PALM2AKAP2: variants seen among roughly 807,000 people sequenced by gnomAD.
PALM2AKAP2 encodes PALM2-AKAP2 fusion protein.
PALM2AKAP2 carries 37 observed loss-of-function variants against 71.5 expected under a neutral mutation model. The observed-to-expected ratio is 0.52, with a 90% CI of 0.40 to 0.68. PALM2AKAP2 has a LOEUF of 0.68. PALM2AKAP2 is among the 30% of genes least tolerant of loss of function. The pLI is 0.00. For missense variants in PALM2AKAP2, 1,224 were observed against 1,191.8 expected, an observed-to-expected ratio of 1.03 and a Z score of -0.40; for synonymous variants, 468 against 478.8, an observed-to-expected ratio of 0.98 and a Z score of 0.29.
rs532221051 is a variant in PALM2AKAP2 at position 110,049,567 on chromosome 9, A to G, written c.156+712A>G. 9.9e-5 allele frequency among the ~76,000 whole-genome samples: 15 copies of G among 151,594 alleles called. No individual in the cohort carries two copies. In the South Asian group the frequency reaches 3.1e-3, roughly 32 times the overall value. ...CTCAGCAGTTAGAATGTGGTATCTT[A>G]TCCGAGATAAAGCCGGAGTTTGCGT... On this transcript the variant is annotated intron_variant, in intron 1 of 3. Coordinates refer to ENST00000374525, the Ensembl canonical transcript of PALM2AKAP2.
intron 1 of PALM2AKAP2, among the ~76,000 whole-genome samples, chr9:109,681,691 T>C (rs1587865572): frequency 6.6e-6 from 1 of 152,338 alleles, no homozygotes; most frequent in East Asian, 1.9e-4. Flanking sequence ...AAATTTGAAC[T>C]GCAGAGCGAA....
At chr9:109,799,027 C>A (rs1215758342) in intron 1 of PALM2AKAP2, among the ~76,000 whole-genome samples, 1 of 152,174 alleles carries the variant, frequency 6.6e-6, no homozygotes, top group Non-Finnish European at 1.5e-5. Context: ...CTCACGGATC[C>A]CCTTGCTGTG....
intron 1 of PALM2AKAP2, among the ~76,000 whole-genome samples, chr9:110,135,152 C>CA (rs1198538795): frequency 0.023 from 632 of 26,996 alleles, 70 homozygotes; most frequent in Non-Finnish European, 0.029. Flanking sequence ...TCTGTCTCTA[C>CA]AAAAAAAAAA....
chr9:109,886,179 T>C (rs1267114100), intron 3 of PALM2AKAP2, among the ~76,000 whole-genome samples: 2 of 152,208 alleles, frequency 1.3e-5, no homozygotes, highest in African/African-American at 2.4e-5. Context: ...GAGTGACGTA[T>C]TGAGAAAGCC....
chr9:109,783,177 G>A (rs914466805), intron 1 of PALM2AKAP2, among the ~76,000 whole-genome samples: 3 of 152,142 alleles, frequency 2.0e-5, no homozygotes, highest in Non-Finnish European at 2.9e-5. Context: ...CTGGTTGTAA[G>A]GTTTAGTTAG....
intron 1 of PALM2AKAP2, among the ~76,000 whole-genome samples, chr9:109,863,197 C>T (rs1205753876): frequency 6.6e-6 from 1 of 152,062 alleles, no homozygotes; most frequent in Non-Finnish European, 1.5e-5. Flanking sequence ...CTGTAATGTG[C>T]TAAAGATGCT....
chr9:110,124,805 A>AT (rs2119024146), intron 1 of PALM2AKAP2, among the ~76,000 whole-genome samples: 1 of 152,314 alleles, frequency 6.6e-6, no homozygotes, highest in South Asian at 2.1e-4. Context: ...GGCATGGACT[A>AT]TAATGTAGCC....
At chr9:110,097,851 T>A (rs1834891929) in intron 1 of PALM2AKAP2, among the ~76,000 whole-genome samples, 1 of 139,672 alleles carries the variant, frequency 7.2e-6, no homozygotes, top group African/African-American at 3.1e-5. Context: ...ATCATGCCAC[T>A]GCACTCCAGC....
intron 2 of PALM2AKAP2, chr9:110,148,463 AAAG>A (rs1232322494): frequency 2.3e-4 from 35 of 152,332 alleles, no homozygotes; most frequent in African/African-American, 7.7e-4. Context: ...GGAGGAGATG[AAAG>A]AAGAAGGGAC....
intron 6 of PALM2AKAP2, among the ~76,000 whole-genome samples, chr9:109,949,842 C>T (rs1053429009): frequency 3.9e-5 from 6 of 152,140 alleles, no homozygotes; most frequent in African/African-American, 1.2e-4. Flanking sequence ...CTATCAAAGT[C>T]CAAATCTTTC....
intron 1 of PALM2AKAP2, chr9:109,847,527 G>A (rs947984812): frequency 2.0e-5 from 3 of 152,246 alleles, no homozygotes; most frequent in Admixed American, 6.6e-5. Flanking sequence ...AGATCACAAT[G>A]TCAGGAGATC....
intron 6 of PALM2AKAP2, among the ~76,000 whole-genome samples, chr9:110,011,824 C>G (rs999667933): frequency 6.6e-6 from 1 of 152,168 alleles, no homozygotes; most frequent in East Asian, 1.9e-4. Context: ...CAGCTGCTCT[C>G]TTGTTTCCAT....
chr9:109,985,537 G>A (rs555513682), intron 6 of PALM2AKAP2, among the ~76,000 whole-genome samples: 24 of 149,170 alleles, frequency 1.6e-4, no homozygotes, highest in East Asian at 6.2e-4. Context: ...GGAGAATGGC[G>A]TGAACCTGGG....
At chr9:109,907,645 A>G (rs1830478797) in intron 3 of PALM2AKAP2, among the ~76,000 whole-genome samples, 1 of 152,194 alleles carries the variant, frequency 6.6e-6, no homozygotes, top group Admixed American at 6.5e-5. Context: ...TCAGCCCGGC[A>G]CAACCCATGT....
At chr9:109,916,303 T>G (rs1012112787) in intron 3 of PALM2AKAP2, among the ~76,000 whole-genome samples, 4 of 152,236 alleles carry the variant, frequency 2.6e-5, no homozygotes, top group Admixed American at 6.5e-5. Flanking sequence ...GCAGCCAGCA[T>G]GCTCTGTCTT....
intron 3 of PALM2AKAP2, among the ~76,000 whole-genome samples, chr9:109,893,490 C>G (rs10980111): frequency 6.6e-6 from 1 of 152,116 alleles, no homozygotes; most frequent in Non-Finnish European, 1.5e-5. Flanking sequence ...GTCGCCCAGG[C>G]TGAAATGCAT....
intron 1 of PALM2AKAP2, among the ~76,000 whole-genome samples, chr9:109,663,519 A>G (rs1827433281): frequency 6.6e-6 from 1 of 152,124 alleles, no homozygotes; most frequent in East Asian, 1.9e-4. Context: ...CTTAATCCTG[A>G]GTTCTAATTT....
rs185377325 is a variant in PALM2AKAP2 at position 109,982,301 on chromosome 9, G to A, written c.497-33653G>A. The stretch of plus-strand genomic sequence containing the variant: ...GTAGAAGGATGGTTACCAGAGGCTC[G>A]GAAGGGTAGTGGGGAGGGGGAAGTG... On this transcript the variant is annotated intron_variant, in intron 6 of 9. Transcript: ENST00000302798. Among the ~76,000 whole-genome samples the A allele has an allele frequency of 2.6e-5, 4 of 152,254 alleles. No individual in the cohort carries two copies. The East Asian group carries it at 5.8e-4, about 22-fold the overall frequency.
intron 1 of PALM2AKAP2, among the ~76,000 whole-genome samples, chr9:109,760,801 A>C (rs1194434687): frequency 2.6e-5 from 4 of 152,212 alleles, no homozygotes; most frequent in Non-Finnish European, 5.9e-5. Flanking sequence ...CTTAGAGTAC[A>C]AATGCACTCA....
Sources: gnomAD v4.1 joint callset for allele counts (sites outside exome capture counted in the v4.1 genomes callset) on GRCh38, gnomAD v4.1.1 for gene constraint, MANE v1.5 for transcripts, NCBI Gene and HGNC (gene_info 2026-07-23, HGNC 2026-07-21) for gene names.